Variants in CNTLN observed in about 807,000 individuals in gnomAD.
CNTLN encodes centlein, centrosomal protein.
CNTLN carries 212 observed loss-of-function variants against 180.0 expected under a neutral mutation model. The observed-to-expected ratio is 1.18, with a 90% CI of 1.05 to 1.32. The LOEUF is 1.32. Among genes scored for constraint, CNTLN ranks in the 40% most tolerant of loss-of-function variants. The pLI is 0.00. For missense variants in CNTLN, 2,095 were observed against 1,610.9 expected, an observed-to-expected ratio of 1.30 and a Z score of -5.14; for synonymous variants, 722 against 563.1, an observed-to-expected ratio of 1.28 and a Z score of -3.99.
At chr9:17,299,077 A>G (rs1026261609) in intron 7 of CNTLN, 1 of 342,530 alleles carries the variant, frequency 2.9e-6, no homozygotes, top group Non-Finnish European at 4.1e-6. Flanking sequence ...CCCTGTTTCT[A>G]CTAAAAATAC....
rs1460544201 is a variant in CNTLN, at chr9:17,394,893, A to T, written c.2439A>T (p.Lys813Asn). 5 of 1,613,998 alleles carry T rather than the reference A, an allele frequency of 3.1e-6. No homozygotes were observed. In the African/African-American group the frequency reaches 6.7e-5, roughly 22 times the overall value. Residue 813 changes from lysine (K) to asparagine (N), a missense_variant, in exon 15 of 26, where the codon AAA becomes AAT. Transcript: ENST00000380647. ...CTAAATCCGAGATGGCCACCATGAA[A>T]GTGAGATCTGGACGATATGATTGTA... Reference protein sequence around the residue: ...DRAKSEMATMKVRSGRYDCKT... With the variant: ...DRAKSEMATMNVRSGRYDCKT...
intron 13 of CNTLN, 122 bp from the exon 14 acceptor site, chr9:17,388,040 T>C: frequency 1.9e-6 from 1 of 514,558 alleles, no homozygotes; most frequent in Non-Finnish European, 3.3e-6. Flanking sequence ...GCCAAATACT[T>C]GACAAGAAAA....
At chr9:17,382,591 G>T (rs1825344609) in intron 13 of CNTLN, among the ~76,000 whole-genome samples, 1 of 152,126 alleles carries the variant, frequency 6.6e-6, no homozygotes, top group Non-Finnish European at 1.5e-5. Flanking sequence ...TCATTAATCT[G>T]TTGAGCATAT....
At chr9:17,360,606 A>G (rs1823293805) in intron 12 of CNTLN, among the ~76,000 whole-genome samples, 1 of 152,204 alleles carries the variant, frequency 6.6e-6, no homozygotes, top group Admixed American at 6.5e-5. Flanking sequence ...ACTGGATTTT[A>G]CAAGGAAGTG....
At chr9:17,521,712 G>A in the CNTLN span, among the ~76,000 whole-genome samples, 2 of 152,254 alleles carry the variant, frequency 1.3e-5, no homozygotes, top group African/African-American at 4.8e-5. Flanking sequence ...AAAGGAAACT[G>A]TTCCTTTCAA....
chr9:17,466,807 G>A lies in CNTLN; in HGVS notation c.3771G>A (p.Leu1257=), dbSNP rs1358276274. Residue 1257 remains leucine, a synonymous_variant, in exon 23 of 26, where the codon TTG becomes TTA. Coordinates refer to ENST00000380647, the MANE Select transcript of CNTLN (RefSeq NM_017738.4). ...CTAAGCAGCTTCAAGAATTAGCATT[G>A]CAAAGTGAACAGGTCCTAGAAGGTG... ...AASKQLQELA[L]QSEQVLEGAQ... 2 of 1,611,062 alleles carry A rather than the reference G, an allele frequency of 1.2e-6. No homozygotes were observed. Among genetic ancestry groups the A allele is most frequent in the East Asian group, 4.5e-5 (2 of 44,792 alleles).
intron 1 of CNTLN, among the ~76,000 whole-genome samples, chr9:17,139,981 T>G (rs1817973787): frequency 6.6e-6 from 1 of 152,114 alleles, no homozygotes; most frequent in Non-Finnish European, 1.5e-5. Context: ...AGGGGTGAGC[T>G]ACCGCACCTG....
At chr9:17,398,505 A>G (rs1391430368) in intron 15 of CNTLN, among the ~76,000 whole-genome samples, 1 of 152,212 alleles carries the variant, frequency 6.6e-6, no homozygotes, top group African/African-American at 2.4e-5. Flanking sequence ...TAAGTTGCAT[A>G]TGCAATTCTG....
intron 8 of CNTLN, among the ~76,000 whole-genome samples, chr9:17,310,540 CAT>C (rs1368203035): frequency 1.3e-5 from 2 of 152,104 alleles, no homozygotes; most frequent in Non-Finnish European, 1.5e-5. Flanking sequence ...CATTTTCGCA[CAT>C]GTTTCTTGAC....
intron 13 of CNTLN, among the ~76,000 whole-genome samples, chr9:17,386,600 T>A (rs554425791): frequency 9.2e-5 from 14 of 152,264 alleles, no homozygotes; most frequent in Admixed American, 2.0e-4. Flanking sequence ...GAGCTTATCT[T>A]CTTGAGCGTT....
At position 17,309,248 on chromosome 9, in the gene CNTLN, C is replaced by T. The variant is rs1215862391; in HGVS notation, c.1337C>T (p.Ala446Val). ...CAAGAAAGTGATCCAGACTACTCAGCACAGGTGAGAGACATTTTCTAAAAC... is the reference window on the plus strand; with the variant it reads ...CAAGAAAGTGATCCAGACTACTCAGTACAGGTGAGAGACATTTTCTAAAAC... ...LPQESDPDYS[A>V]QVPHRPSLSS... Residue 446 changes from alanine to valine, a missense_variant, in exon 8 of 26, where the codon GCA becomes GTA. By Grantham distance (64) the Ala-to-Val change is moderately conservative (BLOSUM62 0). Transcript: ENST00000380647. The T allele has an allele frequency of 1.3e-6, 2 of 1,560,400 alleles. No individual in the cohort carries two copies. Among genetic ancestry groups the T allele is most frequent in the South Asian group, 2.5e-5 (2 of 81,458 alleles).
chr9:17,474,415 C>T (rs1832216972), intron 23 of CNTLN, among the ~76,000 whole-genome samples: 1 of 152,112 alleles, frequency 6.6e-6, no homozygotes, highest in Non-Finnish European at 1.5e-5. Context: ...TACTTCAAAT[C>T]GTGTCTGCTC....
At chr9:17,159,338 G>T (rs933398554) in intron 2 of CNTLN, among the ~76,000 whole-genome samples, 1 of 152,126 alleles carries the variant, frequency 6.6e-6, no homozygotes, top group Non-Finnish European at 1.5e-5. Flanking sequence ...AAGTCTCTGA[G>T]TCAGGCCTCT....
At chr9:17,241,396 T>G (rs1825484663) in intron 5 of CNTLN, among the ~76,000 whole-genome samples, 1 of 152,218 alleles carries the variant, frequency 6.6e-6, no homozygotes, top group Non-Finnish European at 1.5e-5. Context: ...GAGTTCTCTA[T>G]TCTGCTCCAT....
chr9:17,251,288 A>C (rs115100638), intron 5 of CNTLN, among the ~76,000 whole-genome samples: 1 of 151,922 alleles, frequency 6.6e-6, no homozygotes, highest in African/African-American at 2.4e-5. Context: ...GTAGATTCAT[A>C]TCTTTCATCA....
At chr9:17,184,136 T>A (rs1821289065) in intron 2 of CNTLN, among the ~76,000 whole-genome samples, 1 of 152,148 alleles carries the variant, frequency 6.6e-6, no homozygotes, top group Non-Finnish European at 1.5e-5. Context: ...ACATAACTAA[T>A]TTTGAGGAAG....
chr9:17,401,918 G>T (rs956923484), intron 15 of CNTLN, among the ~76,000 whole-genome samples: 1 of 70,236 alleles, frequency 1.4e-5, no homozygotes, highest in African/African-American at 3.2e-5. Flanking sequence ...GAAGGTAAAG[G>T]ACTAATATCC....
At chr9:17,375,368 G>T (rs746012802) in intron 13 of CNTLN, among the ~76,000 whole-genome samples, 1 of 152,108 alleles carries the variant, frequency 6.6e-6, no homozygotes, top group Non-Finnish European at 1.5e-5. Flanking sequence ...ATGACAGGGT[G>T]ACTATTAAAA....
rs746784237 is a variant in CNTLN, at chr9:17,464,522, A to C, written c.3430A>C (p.Thr1144Pro). 16 of 1,535,780 alleles carry C rather than the reference A, an allele frequency of 1.0e-5. No individual in the cohort carries two copies. The highest frequency in any genetic ancestry group is 1.4e-5 in the Non-Finnish European group (16 of 1,151,226). ...EKISRMERDI[T>P]MKRHLIEDLK... The stretch of plus-strand genomic sequence containing the variant: ...GATATCTCGAATGGAGAGGGATATA[A>C]CTATGAAAAGACATTTGATAGAGGA... Residue 1144 changes from threonine to proline, a missense_variant, in exon 21 of 26, where the codon ACT (threonine) becomes CCT (proline). Transcript: ENST00000380647.
Sources: gnomAD v4.1 joint callset for allele counts (sites outside exome capture counted in the v4.1 genomes callset) on GRCh38, gnomAD v4.1.1 for gene constraint, MANE v1.5 for transcripts, NCBI Gene and HGNC (gene_info 2026-07-23, HGNC 2026-07-21) for gene names.